The following NUP214 variants were observed in gnomAD, a reference collection of about 807,000 sequenced individuals.
NUP214 encodes nucleoporin 214, also known as nuclear pore complex protein Nup214.
A neutral mutation model predicts 196.2 loss-of-function variants in NUP214; 79 were observed. The ratio of observed to expected loss-of-function variants is 0.40; its 90% CI spans 0.34 to 0.49. NUP214 has a LOEUF of 0.49. NUP214 is among the 20% of genes least tolerant of loss of function. NUP214 has a pLI of 0.58. For missense variants in NUP214, 2,468 were observed against 2,539.0 expected, an observed-to-expected ratio of 0.97 and a Z score of 0.60; for synonymous variants, 1,020 against 990.5, an observed-to-expected ratio of 1.03 and a Z score of -0.56.
chr9:131,163,692 A>G (rs1832708708), intron 19 of NUP214, among the ~76,000 whole-genome samples, 178 bp from the exon 20 acceptor site: 1 of 152,210 alleles, frequency 6.6e-6, no homozygotes, highest in African/African-American at 2.4e-5. Context: ...GAGATGGTAT[A>G]TAATATGATT....
At chr9:131,134,817 T>G in intron 7 of NUP214, 81 bp from the exon 8 acceptor site, 2 of 843,130 alleles carry the variant, frequency 2.4e-6, no homozygotes, top group Non-Finnish European at 3.9e-6. Context: ...CTTTAAATGA[T>G]TTATTATTTG....
At chr9:131,130,710 T>C in intron 4 of NUP214, 56 bp from the exon 5 acceptor site, 1 of 1,443,904 alleles carries the variant, frequency 6.9e-7, no homozygotes, top group Non-Finnish European at 9.8e-7. Flanking sequence ...GTGTGATAGA[T>C]CTTATTGGTT....
At chr9:131,215,897 A>ATTTTT in intron 31 of NUP214, among the ~76,000 whole-genome samples, 1 of 123,710 alleles carries the variant, frequency 8.1e-6, no homozygotes, top group East Asian at 2.2e-4. Context: ...TCTTTAGCTA[A>ATTTTT]TTTTTTTTTT....
intron 31 of NUP214, among the ~76,000 whole-genome samples, chr9:131,217,926 A>G (rs534545665): frequency 1.3e-4 from 20 of 152,334 alleles, no homozygotes; most frequent in African/African-American, 4.6e-4. Context: ...ATTTGGTGAC[A>G]TCGTTTGGGG....
chr9:131,132,557 T>G, intron 5 of NUP214, 39 bp from the exon 6 acceptor site: 2 of 1,559,254 alleles, frequency 1.3e-6, no homozygotes, highest in Non-Finnish European at 1.8e-6. Context: ...AGGATTTGTT[T>G]CATTTGATAC....
intron 31 of NUP214, among the ~76,000 whole-genome samples, chr9:131,220,241 T>C (rs554472961): frequency 7.0e-4 from 107 of 152,348 alleles, no homozygotes; most frequent in Non-Finnish European, 1.3e-3. Context: ...CGCCAAGATA[T>C]TCTCTTATGG....
intron 21 of NUP214, among the ~76,000 whole-genome samples, chr9:131,173,355 CTTTTTTTTTTTTTT>C (rs10706351): frequency 2.6e-5 from 1 of 38,164 alleles, no homozygotes; most frequent in Non-Finnish European, 4.7e-5. Context: ...TGCACCCAGC[CTTTTTTTTTTTTTT>C]TTTTTTTTTT....
intron 18 of NUP214, among the ~76,000 whole-genome samples, chr9:131,161,355 T>C: frequency 6.6e-6 from 1 of 151,958 alleles, no homozygotes; most frequent in East Asian, 1.9e-4. Flanking sequence ...CCTCCGGGGT[T>C]CAGGCGATTC....
intron 32 of NUP214, among the ~76,000 whole-genome samples, chr9:131,225,240 C>T (rs1368313033): frequency 6.6e-6 from 1 of 151,886 alleles, no homozygotes; most frequent in African/African-American, 2.4e-5. Flanking sequence ...TGGCAAAAAC[C>T]CGTCTCTACA....
At chr9:131,166,402 T>C (rs1015587066) in intron 21 of NUP214, among the ~76,000 whole-genome samples, 5 of 152,202 alleles carry the variant, frequency 3.3e-5, no homozygotes, top group African/African-American at 1.2e-4. Context: ...TCAATAAATA[T>C]GATTGCCTAG....
intron 9 of NUP214, 141 bp from the exon 10 acceptor site, chr9:131,139,140 C>T (rs1039972768): frequency 2.1e-6 from 2 of 948,890 alleles, no homozygotes; most frequent in Non-Finnish European, 1.4e-6. Flanking sequence ...GCCTCCTAGT[C>T]AACACCTGAG....
Position 131,198,904 on chromosome 9 carries a change from C to T in NUP214, c.5410C>T (p.Pro1804Ser), listed in dbSNP as rs768915131. The T allele has an allele frequency of 3.7e-6, 6 of 1,614,174 alleles. No individual in the cohort carries two copies. In the South Asian group the frequency reaches 6.6e-5, roughly 18 times the overall value. The change falls in exon 29 of 36, where the codon CCT (proline) becomes TCT (serine). Residue 1804 changes from proline to serine, a missense_variant. Physicochemically the swap from Pro to Ser is moderately conservative, Grantham distance 74. Coordinates refer to ENST00000359428, the MANE Select transcript of NUP214 (RefSeq NM_005085.4). Reference protein sequence around the residue: ...GGGLFGQSNAPAFGQSPGFGQ... With the variant: ...GGGLFGQSNASAFGQSPGFGQ... Reference sequence around the variant, plus strand: ...GGGGCTGTTTGGCCAAAGCAACGCTCCTGCTTTTGGGCAGAGTCCTGGCTT... The same window carrying T: ...GGGGCTGTTTGGCCAAAGCAACGCTTCTGCTTTTGGGCAGAGTCCTGGCTT...
At chr9:131,221,968 G>C (rs1201900923) in intron 31 of NUP214, among the ~76,000 whole-genome samples, 1 of 151,842 alleles carries the variant, frequency 6.6e-6, no homozygotes, top group South Asian at 2.1e-4. Context: ...TGCATTTCTT[G>C]TAACAGGTGA....
chr9:131,127,397 G>C, intron 1 of NUP214, 127 bp from the exon 2 acceptor site: 1 of 721,102 alleles, frequency 1.4e-6, no homozygotes, highest in Admixed American at 2.9e-5. Context: ...AAGAAAAAAA[G>C]ACAATTGAGA....
At chr9:131,164,189 G>A in intron 21 of NUP214, 45 bp downstream of exon 21, 1 of 1,583,942 alleles carries the variant, frequency 6.3e-7, no homozygotes, top group Non-Finnish European at 8.7e-7. Context: ...GATAGGGTGT[G>A]GTGGGGTGTG....
chr9:131,215,176 C>A, intron 30 of NUP214, 36 bp from the exon 31 acceptor site: 1 of 1,469,602 alleles, frequency 6.8e-7, no homozygotes, highest in South Asian at 1.5e-5. Context: ...GATGACCTCT[C>A]ATCCTATCTT....
rs1354055011 is a variant in NUP214 at position 131,163,089 on chromosome 9, A to G, written c.2639A>G (p.Asp880Gly). ...QQRKRLNHLV[D>G]SLQQLRLYKQ... ...AGGAAGAGGCTGAATCACCTGGTGG[A>G]TAGTCTTCAGCAGCTCCGCCTTTAC... is the stretch of plus-strand genomic sequence containing the variant. The change falls in exon 19 of 36, where the codon GAT (aspartate) becomes GGT (glycine). Residue 880 changes from aspartate to glycine, a missense_variant. Transcript: ENST00000359428. 5.6e-6 allele frequency: 9 copies of G among 1,614,084 alleles called. No homozygotes were observed. Among genetic ancestry groups the G allele is most frequent in the Non-Finnish European group, 6.8e-6 (8 of 1,180,034 alleles).
intron 4 of NUP214, among the ~76,000 whole-genome samples, 165 bp from the exon 5 acceptor site, chr9:131,130,601 A>G (rs1469193466): frequency 6.6e-6 from 1 of 152,230 alleles, no homozygotes; most frequent in African/African-American, 2.4e-5. Context: ...ATTGGCTTAT[A>G]TCGTTAAAAT....
chr9:131,216,556 G>A (rs1446741322), intron 31 of NUP214, among the ~76,000 whole-genome samples: 11 of 115,932 alleles, frequency 9.5e-5, no homozygotes, highest in African/African-American at 3.7e-4. Flanking sequence ...TTTTTGAAAC[G>A]GAGTGTTGCT....
Sources: gnomAD v4.1 joint callset for allele counts (sites outside exome capture counted in the v4.1 genomes callset) on GRCh38, gnomAD v4.1.1 for gene constraint, MANE v1.5 for transcripts, NCBI Gene and HGNC (gene_info 2026-07-23, HGNC 2026-07-21) for gene names.